Variants in MCM5 observed in about 807,000 individuals in gnomAD.
The protein encoded by MCM5 is DNA replication licensing factor MCM5.
MCM5 carries 46 observed loss-of-function variants against 79.9 expected under a neutral mutation model. That is an observed-to-expected ratio of 0.58 (90% CI 0.45 to 0.74). The LOEUF is 0.74. MCM5 is among the 30% of genes least tolerant of loss of function. MCM5 has a pLI of 0.00. For synonymous variants in MCM5, 404 were observed against 390.5 expected (o/e 1.03, Z -0.41); for missense variants, 883 against 1,017.0 (o/e 0.87, Z 1.79).
chr22:35,426,794 CT>C (rs939495950), downstream of MCM5, among the ~76,000 whole-genome samples: 7 of 152,134 alleles, frequency 4.6e-5, no homozygotes, highest in African/African-American at 1.7e-4. Flanking sequence ...CCTTTTCATG[CT>C]TTTGTGTGAG....
intron 14 of MCM5, 148 bp from the exon 15 acceptor site, chr22:35,421,170 G>A: frequency 3.5e-6 from 2 of 570,848 alleles, no homozygotes; most frequent in Non-Finnish European, 5.9e-6. Flanking sequence ...CTATGACTAA[G>A]ATCAAAAGGG....
the MCM5 span, among the ~76,000 whole-genome samples, chr22:35,434,838 GA>G: frequency 6.6e-5 from 10 of 152,190 alleles, no homozygotes; most frequent in Non-Finnish European, 1.3e-4. Context: ...CTTTGGGTGG[GA>G]GGGGGAAACT....
chr22:35,433,434 C>T, the MCM5 span, among the ~76,000 whole-genome samples: 1 of 152,186 alleles, frequency 6.6e-6, no homozygotes, highest in Admixed American at 6.5e-5. Context: ...GTGGCATGCT[C>T]ACAAACAGTC....
rs372872390 is a variant in MCM5 at position 35,410,906 on chromosome 22, C to T, written c.915C>T (p.Gly305=). ...TGGGCATCCAGGTGGACACAGATGG[C>T]TCTGGTGAGTTGGCTTTGGGGTCCT... The part of the protein sequence containing the change: ...RVLGIQVDTD[G]SGRSFAGAVS... The change falls in exon 7 of 17, where the codon GGC becomes GGT. Residue 305 remains glycine (G), a synonymous_variant. Coordinates refer to ENST00000216122, the MANE Select transcript of MCM5 (RefSeq NM_006739.4). 3.7e-4 allele frequency: 583 copies of T among 1,595,218 alleles called. No individual in the cohort carries two copies. Among genetic ancestry groups the T allele is most frequent in the South Asian group, 4.9e-4 (44 of 89,280 alleles).
chr22:35,440,133 C>T, the MCM5 span, among the ~76,000 whole-genome samples: 4 of 152,258 alleles, frequency 2.6e-5, no homozygotes, highest in Non-Finnish European at 4.4e-5. Context: ...GGGGTCCTAG[C>T]ACTTCCCCTA....
downstream of MCM5, among the ~76,000 whole-genome samples, chr22:35,430,408 T>C (rs1448799204): frequency 6.6e-6 from 1 of 152,134 alleles, no homozygotes; most frequent in Non-Finnish European, 1.5e-5. Context: ...GGAGTGCCTG[T>C]AGTTAATCAT....
At chr22:35,432,188 A>G in the MCM5 span, among the ~76,000 whole-genome samples, 2 of 152,248 alleles carry the variant, frequency 1.3e-5, no homozygotes, top group Admixed American at 1.3e-4. Flanking sequence ...CTGGGAATAC[A>G]GAGAACAAAG....
the MCM5 span, among the ~76,000 whole-genome samples, chr22:35,453,479 G>GAGAC: frequency 0.2 from 30,224 of 151,552 alleles, 3,389 homozygotes; most frequent in African/African-American, 0.31. Flanking sequence ...GAAAGAGACA[G>GAGAC]AGGGACAGAT....
At chr22:35,423,646 G>T (rs967269245) in intron 16 of MCM5, 42 of 241,422 alleles carry the variant, frequency 1.7e-4, no homozygotes, top group Non-Finnish European at 2.5e-4. Flanking sequence ...TTCCCCGTTG[G>T]CGGGCGTTTC....
At chr22:35,406,809 C>A in intron 5 of MCM5, 84 bp downstream of exon 5, 1 of 1,419,810 alleles carries the variant, frequency 7.0e-7, no homozygotes, top group Non-Finnish European at 9.7e-7. Flanking sequence ...GCACTGCCTG[C>A]AGCTGCTTCT....
intron 13 of MCM5, among the ~76,000 whole-genome samples, chr22:35,418,464 A>G (rs1434318593): frequency 6.6e-6 from 1 of 152,126 alleles, no homozygotes; most frequent in African/African-American, 2.4e-5. Flanking sequence ...GTGCGAGACC[A>G]GCCTGGCCAA....
downstream of MCM5, among the ~76,000 whole-genome samples, chr22:35,429,528 G>A (rs1932799268): frequency 6.6e-6 from 1 of 151,286 alleles, no homozygotes; most frequent in South Asian, 2.1e-4. Context: ...TCCTGCCCTT[G>A]TTTTTTGTTC....
chr22:35,445,397 C>T, the MCM5 span, among the ~76,000 whole-genome samples: 1 of 129,626 alleles, frequency 7.7e-6, no homozygotes, highest in African/African-American at 2.9e-5. Flanking sequence ...GGCTCGATCT[C>T]GGCTCACTAC....
chr22:35,418,127 A>G (rs1408262258), intron 13 of MCM5, among the ~76,000 whole-genome samples: 2 of 152,188 alleles, frequency 1.3e-5, no homozygotes, highest in South Asian at 2.1e-4. Flanking sequence ...GAGGCAGTGA[A>G]GTGTAGACAT....
At chr22:35,446,410 A>G in the MCM5 span, among the ~76,000 whole-genome samples, 1 of 152,134 alleles carries the variant, frequency 6.6e-6, no homozygotes, top group African/African-American at 2.4e-5. Context: ...TCCTGACTCT[A>G]GCACTGTCTC....
chr22:35,409,249 T>C lies in MCM5; in HGVS notation c.752+686T>C, dbSNP rs571113213. The stretch of plus-strand genomic sequence containing the variant: ...GAGTGCGTGGATTACAGGCGTGAGC[T>C]ACTGCGCCCAGCGTACCCCAGGCTT... On this transcript the variant is annotated intron_variant, in intron 6 of 16. Coordinates refer to ENST00000216122, the MANE Select transcript of MCM5 (RefSeq NM_006739.4). Among the ~76,000 whole-genome samples, 815 of 152,006 alleles carry C rather than the reference T, an allele frequency of 5.4e-3. 18 individuals carry two copies. The highest frequency in any genetic ancestry group is 0.019 in the African/African-American group (781 of 41,472).
chr22:35,432,294 C>T, the MCM5 span, among the ~76,000 whole-genome samples: 1 of 152,168 alleles, frequency 6.6e-6, no homozygotes, highest in Non-Finnish European at 1.5e-5. Flanking sequence ...TGTGATATTT[C>T]AAGAGATGGG....
At chr22:35,404,383 A>G (rs1210916609) in intron 4 of MCM5, among the ~76,000 whole-genome samples, 2 of 152,192 alleles carry the variant, frequency 1.3e-5, no homozygotes, top group Non-Finnish European at 2.9e-5. Flanking sequence ...TCACAGATAC[A>G]TTATTGATTT....
the MCM5 span, among the ~76,000 whole-genome samples, chr22:35,446,764 C>A: frequency 3.3e-5 from 5 of 152,214 alleles, no homozygotes; most frequent in African/African-American, 1.2e-4. Context: ...ACCCCCTCAC[C>A]TTCATATTTC....
Sources: gnomAD v4.1 joint callset for allele counts (sites outside exome capture counted in the v4.1 genomes callset) on GRCh38, gnomAD v4.1.1 for gene constraint, MANE v1.5 for transcripts, NCBI Gene and HGNC (gene_info 2026-07-23, HGNC 2026-07-21) for gene names.